Variants in IMMP2L observed in about 807,000 individuals in gnomAD.
IMMP2L encodes mitochondrial inner membrane protease subunit 2.
Under a neutral mutation model 19.3 loss-of-function variants are expected in IMMP2L, and 18 were observed. The observed-to-expected ratio is 0.93, with a 90% CI of 0.64 to 1.38. The LOEUF (loss-of-function observed/expected upper bound fraction) is 1.38. IMMP2L is among the 40% of genes most tolerant of loss of function. The pLI, the probability that IMMP2L is intolerant of heterozygous loss-of-function variation, is 0.00. For missense variants in IMMP2L, 233 were observed against 218.2 expected, an observed-to-expected ratio of 1.07 and a Z score of -0.43; for synonymous variants, 76 against 73.0, an observed-to-expected ratio of 1.04 and a Z score of -0.21.
intron 3 of IMMP2L, among the ~76,000 whole-genome samples, chr7:111,330,995 T>C (rs995375061): frequency 6.6e-6 from 1 of 151,854 alleles, no homozygotes; most frequent in Admixed American, 6.6e-5. Context: ...TATATTAGTA[T>C]ATCGATTATG....
intron 3 of IMMP2L, among the ~76,000 whole-genome samples, chr7:111,349,737 G>A (rs1375087968): frequency 6.6e-6 from 1 of 151,958 alleles, no homozygotes; most frequent in African/African-American, 2.4e-5. Context: ...GAAAGGAAGG[G>A]GAGGCCAAAG....
At chr7:111,034,598 C>T (rs1488821886) in intron 3 of IMMP2L, among the ~76,000 whole-genome samples, 2 of 152,048 alleles carry the variant, frequency 1.3e-5, no homozygotes, top group Non-Finnish European at 2.9e-5. Flanking sequence ...AAAGGAAGGG[C>T]TGTAGAGAAA....
chr7:111,144,105 T>C (rs1803222450), intron 3 of IMMP2L, among the ~76,000 whole-genome samples: 1 of 152,162 alleles, frequency 6.6e-6, no homozygotes, highest in Non-Finnish European at 1.5e-5. Flanking sequence ...CAAAACCTAC[T>C]ACATTTACTA....
chr7:111,373,185 A>G (rs1830400961), intron 3 of IMMP2L, among the ~76,000 whole-genome samples: 1 of 151,944 alleles, frequency 6.6e-6, no homozygotes, highest in African/African-American at 2.4e-5. Flanking sequence ...TTAAATGAGT[A>G]TTTCTTAAAT....
At chr7:110,825,022 C>T (rs372293353) in intron 5 of IMMP2L, among the ~76,000 whole-genome samples, 3 of 152,204 alleles carry the variant, frequency 2.0e-5, no homozygotes, top group East Asian at 3.9e-4. Flanking sequence ...GTGCAAAAAT[C>T]ACAAGCACTC....
chr7:110,903,425 A>C (rs981479842), intron 4 of IMMP2L, among the ~76,000 whole-genome samples: 1 of 152,128 alleles, frequency 6.6e-6, no homozygotes, highest in Non-Finnish European at 1.5e-5. Context: ...TCCCCTCTGT[A>C]AACTCCTGGC....
At chr7:111,434,074 A>T (rs1244762530) in intron 3 of IMMP2L, among the ~76,000 whole-genome samples, 2 of 151,862 alleles carry the variant, frequency 1.3e-5, no homozygotes, top group Non-Finnish European at 2.9e-5. Context: ...CCAAAACAGC[A>T]TGGTACAGGT....
chr7:110,978,611 C>T (rs569578497), intron 3 of IMMP2L, among the ~76,000 whole-genome samples: 1 of 151,950 alleles, frequency 6.6e-6, no homozygotes, highest in African/African-American at 2.4e-5. Flanking sequence ...GGCTGTGTGT[C>T]CACAATAAAT....
chr7:110,670,140 A>C (rs1791791609), intron 5 of IMMP2L, among the ~76,000 whole-genome samples: 1 of 152,202 alleles, frequency 6.6e-6, no homozygotes, highest in Admixed American at 6.5e-5. Flanking sequence ...TGACCTTACG[A>C]GAAGAGGAGA....
At chr7:111,175,577 TAGA>T (rs151255511) in intron 3 of IMMP2L, among the ~76,000 whole-genome samples, 7,845 of 151,648 alleles carry the variant, frequency 0.052, 370 homozygotes, top group African/African-American at 0.12. Context: ...TTTTAAATAG[TAGA>T]AGAAGGAAAC....
At chr7:111,283,394 G>A (rs1820117472) in intron 3 of IMMP2L, among the ~76,000 whole-genome samples, 1 of 152,114 alleles carries the variant, frequency 6.6e-6, no homozygotes, top group Non-Finnish European at 1.5e-5. Flanking sequence ...CATTTAGGCA[G>A]GTCTTGAAAG....
At chr7:110,895,238 G>T (rs929163363) in intron 4 of IMMP2L, among the ~76,000 whole-genome samples, 9 of 152,084 alleles carry the variant, frequency 5.9e-5, no homozygotes, top group Non-Finnish European at 8.8e-5. Context: ...GGAAAGATCT[G>T]CCCCCATAAT....
At chr7:110,732,274 T>C (rs112453997) in intron 5 of IMMP2L, among the ~76,000 whole-genome samples, 1 of 152,344 alleles carries the variant, frequency 6.6e-6, no homozygotes, top group African/African-American at 2.4e-5. Flanking sequence ...TATTTCCCTA[T>C]ATGTCAAGCA....
intron 3 of IMMP2L, among the ~76,000 whole-genome samples, chr7:111,333,143 A>C (rs1044183906): frequency 1.3e-5 from 2 of 152,170 alleles, no homozygotes; most frequent in Non-Finnish European, 2.9e-5. Context: ...GGCAAAGGGA[A>C]TACAGAATGG....
rs558280829 is a variant in IMMP2L, at chr7:111,538,184, T to TACTTAAGTGCTTTGC, written c.-2-16750_-2-16736dup. ...GAGCAGAAACACTTGTTCACTACTATACTTAAGTGCTTTGCACTTAAGTGC... is the reference window on the plus strand; with the variant it reads ...GAGCAGAAACACTTGTTCACTACTATACTTAAGTGCTTTGCACTTAAGTGCTTTGCACTTAAGTGC... On this transcript the variant is annotated intron_variant, in intron 1 of 5. Transcript: ENST00000405709. Among the ~76,000 whole-genome samples the TACTTAAGTGCTTTGC allele has an allele frequency of 8.3e-3, 1,267 of 152,248 alleles. 20 individuals carry two copies. Among genetic ancestry groups the TACTTAAGTGCTTTGC allele is most frequent in the African/African-American group, 0.029 (1,213 of 41,536 alleles).
At chr7:111,137,067 A>T (rs556235280) in intron 3 of IMMP2L, among the ~76,000 whole-genome samples, 1 of 152,160 alleles carries the variant, frequency 6.6e-6, no homozygotes, top group African/African-American at 2.4e-5. Context: ...AACAAACAGA[A>T]ATGCATAAAT....
At chr7:111,101,442 A>T (rs2129580183) in intron 3 of IMMP2L, among the ~76,000 whole-genome samples, 1 of 151,672 alleles carries the variant, frequency 6.6e-6, no homozygotes, top group Admixed American at 6.6e-5. Context: ...AGTAACACCT[A>T]AGAATCCATA....
chr7:111,292,804 T>C lies in IMMP2L; in HGVS notation c.239+194434A>G, dbSNP rs535586795. On this transcript the variant is annotated intron_variant, in intron 3 of 5. Coordinates refer to ENST00000405709, the MANE Select transcript of IMMP2L (RefSeq NM_032549.4). ...CATGAAAAATGAATTGAGTTAATAA[T>C]GGAAAGAATATGGCAGAGTGATACG... 3.3e-5 allele frequency among the ~76,000 whole-genome samples: 5 copies of C among 152,082 alleles called. No individual in the cohort carries two copies. In the East Asian group the frequency reaches 7.7e-4, roughly 24 times the overall value.
Position 111,407,342 on chromosome 7 carries a change from C to T in IMMP2L, c.239+79896G>A, listed in dbSNP as rs147860236. On this transcript the variant is annotated intron_variant, in intron 3 of 5. Coordinates refer to ENST00000405709, the MANE Select transcript of IMMP2L (RefSeq NM_032549.4). ...TAAGAGACATGAAAACATATATCTA[C>T]GGAAAGAATTATAAAAGCATATTCA... Among the ~76,000 whole-genome samples, 100 of 151,792 alleles carry T rather than the reference C, an allele frequency of 6.6e-4. 2 individuals carry two copies. Among genetic ancestry groups the T allele is most frequent in the African/African-American group, 2.0e-3 (81 of 41,394 alleles).
Sources: allele counts gnomAD v4.1 joint callset (sites outside exome capture counted in the v4.1 genomes callset), GRCh38; gene constraint gnomAD v4.1.1; transcripts MANE v1.5; gene names NCBI Gene and HGNC (gene_info 2026-07-23, HGNC 2026-07-21).